BEND6: variants seen among roughly 807,000 people sequenced by gnomAD.
The protein encoded by BEND6 is BEN domain-containing protein 6.
BEND6 carries 24 observed loss-of-function variants against 31.8 expected under a neutral mutation model. The observed-to-expected ratio is 0.75, with a 90% CI of 0.55 to 1.06. BEND6 has a LOEUF of 1.06. BEND6 is among the 50% of genes least tolerant of loss of function. BEND6 has a pLI of 0.00. For missense variants in BEND6, 294 were observed against 327.4 expected, an observed-to-expected ratio of 0.90 and a Z score of 0.79; for synonymous variants, 109 against 114.6, an observed-to-expected ratio of 0.95 and a Z score of 0.31.
chr6:56,959,608 T>C (rs1284629478), intron 1 of BEND6, among the ~76,000 whole-genome samples: 1 of 152,160 alleles, frequency 6.6e-6, no homozygotes, highest in Non-Finnish European at 1.5e-5. Flanking sequence ...CTAAAATAAA[T>C]TTGGAGGTGA....
chr6:56,994,416 C>T (rs1461508249), intron 3 of BEND6, among the ~76,000 whole-genome samples: 1 of 145,648 alleles, frequency 6.9e-6, no homozygotes, highest in Non-Finnish European at 1.5e-5. Flanking sequence ...CGAGATCGTG[C>T]CCCTGCACTC....
intron 6 of BEND6, among the ~76,000 whole-genome samples, chr6:57,021,886 A>AG (rs1300525138): frequency 2.6e-5 from 4 of 152,190 alleles, no homozygotes; most frequent in Non-Finnish European, 5.9e-5. Flanking sequence ...CCTCCAACGC[A>AG]GGGTATTTAG....
chr6:57,008,912 A>AGAAAATGTGGCATATATACACAATG (rs1827255563), intron 3 of BEND6: 1 of 152,260 alleles, frequency 6.6e-6, no homozygotes, highest in Non-Finnish European at 1.5e-5. Flanking sequence ...GAATAGATAA[A>AGAAAATGTGGCATATATACACAATG]GAAAATGTGG....
intron 6 of BEND6, among the ~76,000 whole-genome samples, chr6:57,024,312 T>A (rs1827838843): frequency 1.3e-5 from 2 of 152,372 alleles, no homozygotes; most frequent in African/African-American, 4.8e-5. Context: ...GTGGGTTTTA[T>A]ACCTTCAGAT....
chr6:57,014,393 T>C, intron 3 of BEND6: 2 of 978,536 alleles, frequency 2.0e-6, no homozygotes, highest in Middle Eastern at 2.1e-4. Flanking sequence ...CTCAACCATA[T>C]AGTGAGGAAC....
chr6:56,992,589 A>C (rs1213890073), intron 3 of BEND6, 34 bp downstream of exon 3: 1 of 1,589,238 alleles, frequency 6.3e-7, no homozygotes, highest in Admixed American at 1.8e-5. Flanking sequence ...TTTAGATAAA[A>C]GGGAAAGTAT....
At chr6:56,959,162 C>T (rs1009913697) in intron 1 of BEND6, among the ~76,000 whole-genome samples, 2 of 152,072 alleles carry the variant, frequency 1.3e-5, no homozygotes, top group Non-Finnish European at 1.5e-5. Context: ...ATTTTGAGTC[C>T]CCCCAACAGA....
chr6:57,018,303 C>A, intron 5 of BEND6, 118 bp from the exon 6 acceptor site: 1 of 1,164,616 alleles, frequency 8.6e-7, no homozygotes, highest in Non-Finnish European at 1.2e-6. Flanking sequence ...GTTTGGGCTA[C>A]TTTTGTAAAA....
chr6:57,012,254 T>C (rs1285581259), intron 3 of BEND6, among the ~76,000 whole-genome samples: 5 of 152,138 alleles, frequency 3.3e-5, no homozygotes, highest in Non-Finnish European at 7.4e-5. Flanking sequence ...AAGGAATGAA[T>C]TATGGTACAC....
rs780609968 is a variant in BEND6, at chr6:57,018,551, C to A, written c.*3C>A. ...TTAACTCTCAGGATATTAAATAGATCCTTTTGGTAAGTCTTTTAAATCTTC... is the reference window on the plus strand; with the variant it reads ...TTAACTCTCAGGATATTAAATAGATACTTTTGGTAAGTCTTTTAAATCTTC... On this transcript the variant is annotated 3_prime_UTR_variant, in exon 6 of 7. Transcript: ENST00000370746. The A allele has an allele frequency of 4.0e-6, 6 of 1,518,638 alleles. No individual in the cohort carries two copies. Among genetic ancestry groups the A allele is most frequent in the Non-Finnish European group, 5.3e-6 (6 of 1,140,048 alleles). The allele number at this position is 1,518,638 out of a possible 1,614,324, so 94.1% of individuals were successfully genotyped here. A position where few individuals can be genotyped will look rare whatever the true frequency, so the allele number is the denominator to read the frequency against.
At chr6:56,956,295 A>G (rs1425969883) in intron 1 of BEND6, among the ~76,000 whole-genome samples, 1 of 152,258 alleles carries the variant, frequency 6.6e-6, no homozygotes, top group Non-Finnish European at 1.5e-5. Flanking sequence ...TAAAAATTTG[A>G]AAAGCAGGTA....
intron 3 of BEND6, among the ~76,000 whole-genome samples, chr6:57,005,180 TCCAATATCTAGTAGCTAC>T (rs1827109265): frequency 6.6e-6 from 1 of 152,040 alleles, no homozygotes; most frequent in African/African-American, 2.4e-5. Context: ...ATAATAGGTG[TCCAATATCTAGTAGCTAC>T]CAGTTTTAAA....
In BEND6 at chr6:56,967,429, C is replaced by T. The variant is rs377094045; in HGVS notation, c.-101+11969C>T. ...TGAAGTGACCCCACAGGAAGGGAGC[C>T]GGGAGGATAAATTCTCCTGACTCGC... On this transcript the variant is annotated intron_variant, in intron 1 of 6. Transcript: ENST00000370746. Among the ~76,000 whole-genome samples the T allele has an allele frequency of 3.3e-4, 50 of 152,184 alleles. 1 individual carries two copies. Among genetic ancestry groups the T allele is most frequent in the East Asian group, 3.1e-3 (16 of 5,178 alleles).
intron 2 of BEND6, among the ~76,000 whole-genome samples, chr6:56,984,363 T>G (rs1826178064): frequency 6.6e-6 from 1 of 152,244 alleles, no homozygotes; most frequent in Non-Finnish European, 1.5e-5. Flanking sequence ...AAAATTACTT[T>G]TCGAGAGTGT....
At chr6:56,969,159 GT>G (rs1825600072) in intron 1 of BEND6, among the ~76,000 whole-genome samples, 1 of 152,134 alleles carries the variant, frequency 6.6e-6, no homozygotes, top group Non-Finnish European at 1.5e-5. Flanking sequence ...AAACCCAGTA[GT>G]TTTCCCTCTA....
At chr6:56,967,170 ATGT>A (rs1825512542) in intron 1 of BEND6, among the ~76,000 whole-genome samples, 1 of 152,176 alleles carries the variant, frequency 6.6e-6, no homozygotes, top group Non-Finnish European at 1.5e-5. Context: ...GAGCCCTGCC[ATGT>A]TGTATCAGTC....
chr6:56,991,251 T>C (rs1317397823), intron 2 of BEND6, among the ~76,000 whole-genome samples: 2 of 152,222 alleles, frequency 1.3e-5, no homozygotes, highest in Admixed American at 6.5e-5. Context: ...TGCAAATCTT[T>C]TGTTGTGTGT....
chr6:57,017,490 T>C, intron 5 of BEND6, 91 bp downstream of exon 5: 1 of 1,052,812 alleles, frequency 9.5e-7, no homozygotes, highest in Non-Finnish European at 1.2e-6. Context: ...CTTTTATTTT[T>C]TAAAGTTTAT....
intron 6 of BEND6, among the ~76,000 whole-genome samples, chr6:57,021,489 G>A (rs1193569083): frequency 6.6e-6 from 1 of 152,126 alleles, no homozygotes; most frequent in Admixed American, 6.5e-5. Context: ...CAATTTCCCA[G>A]CTATGGCTCA....
Sources: allele counts gnomAD v4.1 joint callset (sites outside exome capture counted in the v4.1 genomes callset), GRCh38; gene constraint gnomAD v4.1.1; transcripts MANE v1.5; gene names NCBI Gene and HGNC (gene_info 2026-07-23, HGNC 2026-07-21).